Variants in PAPPA observed in about 807,000 individuals in gnomAD.
The protein encoded by PAPPA is pappalysin 1.
In PAPPA, 60 loss-of-function variants were observed where a neutral mutation model predicts 164.0. The ratio of observed to expected loss-of-function variants is 0.37; its 90% CI spans 0.30 to 0.45. PAPPA has a LOEUF of 0.45. PAPPA is among the 20% of genes least tolerant of loss of function. PAPPA has a pLI of 1.00. For missense variants in PAPPA, 1,782 were observed against 2,087.3 expected, an observed-to-expected ratio of 0.85 and a Z score of 2.85; for synonymous variants, 875 against 814.1, an observed-to-expected ratio of 1.07 and a Z score of -1.27.
chr9:116,369,149 C>T (rs1307014932), intron 19 of PAPPA, among the ~76,000 whole-genome samples: 1 of 148,074 alleles, frequency 6.8e-6, no homozygotes. Context: ...TCCACTGTTT[C>T]TCTCTCTCTC....
chr9:116,221,441 G>T (rs1844444886), intron 5 of PAPPA, among the ~76,000 whole-genome samples: 1 of 152,138 alleles, frequency 6.6e-6, no homozygotes, highest in Non-Finnish European at 1.5e-5. Flanking sequence ...GATCTATCAA[G>T]TGCTTACTAT....
rs892668267 is a variant in PAPPA at position 116,347,127 on chromosome 9, T to C, written c.3882T>C (p.Tyr1294=). 6.2e-7 allele frequency: 1 copy of C among 1,614,088 alleles called. No homozygotes were observed. The highest frequency in any genetic ancestry group is 8.5e-7 in the Non-Finnish European group (1 of 1,180,028). ...GCATCCCAGATCACCATCAAGTCTA[T>C]GCTGCCTCCTTCTCCTGCCCTGAGG... ...DCSIPDHHQV[Y]AASFSCPEGT... is the part of the protein sequence containing the mutation. The change falls in exon 15 of 22, where the codon TAT becomes TAC. Residue 1294 remains tyrosine (Y), a synonymous_variant. Transcript: ENST00000328252. The surrounding 1 kb of genome is among the most constrained non-coding windows in gnomAD (Gnocchi z 4.5).
At chr9:116,384,816 G>C (rs1846784753) in intron 21 of PAPPA, among the ~76,000 whole-genome samples, 1 of 152,162 alleles carries the variant, frequency 6.6e-6, no homozygotes, top group Non-Finnish European at 1.5e-5. Flanking sequence ...GAACGTGAAT[G>C]GACGATGAAG....
At chr9:116,386,532 G>C (rs1379202336) in intron 21 of PAPPA, among the ~76,000 whole-genome samples, 2 of 152,152 alleles carry the variant, frequency 1.3e-5, no homozygotes, top group Non-Finnish European at 2.9e-5. Flanking sequence ...ACCAGTCTGG[G>C]CTTAGAGTAC....
intron 1 of PAPPA, among the ~76,000 whole-genome samples, chr9:116,159,993 C>G (rs1587933428): frequency 1.3e-5 from 2 of 152,190 alleles, no homozygotes; most frequent in African/African-American, 4.8e-5. Flanking sequence ...GAATAACCAG[C>G]TTTTAAAACA....
intron 1 of PAPPA, among the ~76,000 whole-genome samples, chr9:116,157,110 A>G (rs973383643): frequency 6.6e-6 from 1 of 152,168 alleles, no homozygotes; most frequent in Non-Finnish European, 1.5e-5. Flanking sequence ...GCTGCCTTAC[A>G]TCACTCTTTG....
intron 1 of PAPPA, among the ~76,000 whole-genome samples, chr9:116,170,123 G>A (rs1843759537): frequency 2.0e-5 from 3 of 152,128 alleles, no homozygotes; most frequent in South Asian, 4.2e-4. Flanking sequence ...GTTCTTCTTA[G>A]TTGCTTAAAG....
At chr9:116,163,442 T>C (rs772536140) in intron 1 of PAPPA, among the ~76,000 whole-genome samples, 15 of 152,172 alleles carry the variant, frequency 9.9e-5, no homozygotes, top group Non-Finnish European at 2.1e-4. Context: ...TGCTTTGAGC[T>C]AGGAGATGTC....
intron 7 of PAPPA, 132 bp downstream of exon 7, chr9:116,235,769 A>G (rs1296227293): frequency 9.2e-6 from 8 of 864,972 alleles, no homozygotes; most frequent in Non-Finnish European, 1.5e-5. Context: ...GTAACCCATC[A>G]TTGGGTGTAG....
chr9:116,181,354 T>TTCTC (rs1364137564), intron 1 of PAPPA, among the ~76,000 whole-genome samples: 1 of 148,546 alleles, frequency 6.7e-6, no homozygotes, highest in Non-Finnish European at 1.5e-5. Flanking sequence ...CTCTCTCTCT[T>TTCTC]TCTCTCTCTC....
At chr9:116,200,621 A>G (rs549904148) in intron 2 of PAPPA, among the ~76,000 whole-genome samples, 10 of 152,332 alleles carry the variant, frequency 6.6e-5, no homozygotes, top group African/African-American at 2.2e-4. Flanking sequence ...TAATGTTATC[A>G]TATTATGTTG....
At position 116,399,251 on chromosome 9, in the gene PAPPA, C is replaced by T. The variant is rs987868612; in HGVS notation, c.*2635C>T. 2.0e-5 allele frequency: 3 copies of T among 152,918 alleles called. No homozygotes were observed. The highest frequency in any genetic ancestry group is 1.3e-4 in the Admixed American group (2 of 15,280). The allele number at this position is 152,918 out of a possible 1,614,324, so 9.5% of individuals were successfully genotyped here. A position where few individuals can be genotyped will look rare whatever the true frequency, so the allele number is the denominator to read the frequency against. On this transcript the variant is annotated 3_prime_UTR_variant, in exon 22 of 22. Transcript: ENST00000328252. ...GAATTCAGCTCTTCTGAATCAAGAC[C>T]CACCCAGTCTCTTTCATTCAGACCT...
At chr9:116,203,910 G>A (rs180856994) in intron 2 of PAPPA, among the ~76,000 whole-genome samples, 1 of 152,312 alleles carries the variant, frequency 6.6e-6, no homozygotes, top group East Asian at 1.9e-4. Context: ...GGGAAAACTA[G>A]AGGTTCTCAG....
At chr9:116,299,671 T>G (rs139220521) in intron 9 of PAPPA, among the ~76,000 whole-genome samples, 1 of 152,152 alleles carries the variant, frequency 6.6e-6, no homozygotes, top group African/African-American at 2.4e-5. Context: ...AGCTGTGGCA[T>G]GTAGGGAGAA....
Position 116,362,661 on chromosome 9 carries a change from G to C in PAPPA, c.4417G>C (p.Glu1473Gln). The change falls in exon 18 of 22, where the codon GAG (glutamate) becomes CAG (glutamine). Residue 1473 changes from glutamate (E) to glutamine (Q), a missense_variant. By Grantham distance (29) the Glu-to-Gln change is conservative. Around this residue, in one of 2 missense-constraint regions of PAPPA, gnomAD observed 1,324 missense variants for 1,656.9 expected, o/e 0.80. Coordinates refer to ENST00000328252, the MANE Select transcript of PAPPA (RefSeq NM_002581.5). Reference sequence around the variant, plus strand: ...GAACGGCTCCTTCCATGTCTGCCAGGAGATGCAAGGCCAGTGCTCGGTTCC... The same window carrying C: ...GAACGGCTCCTTCCATGTCTGCCAGCAGATGCAAGGCCAGTGCTCGGTTCC... ...TWNGSFHVCQ[E>Q]MQGQCSVPNE... 1 of 1,614,160 alleles carries C rather than the reference G, an allele frequency of 6.2e-7. No individual in the cohort carries two copies. The highest frequency in any genetic ancestry group is 8.5e-7 in the Non-Finnish European group (1 of 1,180,000).
intron 2 of PAPPA, among the ~76,000 whole-genome samples, chr9:116,196,195 G>T (rs188479175): frequency 1.7e-3 from 253 of 152,298 alleles, no homozygotes; most frequent in Non-Finnish European, 2.7e-3. Flanking sequence ...TCCTTTGCGG[G>T]GAGAAGTCAG....
At chr9:116,206,265 C>A (rs405485) in intron 2 of PAPPA, among the ~76,000 whole-genome samples, 1 of 151,984 alleles carries the variant, frequency 6.6e-6, no homozygotes, top group Non-Finnish European at 1.5e-5. Flanking sequence ...TTTGTGAAAA[C>A]ATGTACAAAT....
intron 7 of PAPPA, among the ~76,000 whole-genome samples, chr9:116,251,723 G>A (rs1010803671): frequency 1.8e-4 from 28 of 152,364 alleles, no homozygotes; most frequent in Middle Eastern, 6.8e-3. Context: ...TCCATCACCA[G>A]TAGAATGTTT....
chr9:116,297,907 A>G (rs1182083953), intron 9 of PAPPA, among the ~76,000 whole-genome samples: 1 of 152,200 alleles, frequency 6.6e-6, no homozygotes, highest in African/African-American at 2.4e-5. Flanking sequence ...TTGTTGAGAA[A>G]GTCTAAAATG....
Sources: gnomAD v4.1 joint callset for allele counts (sites outside exome capture counted in the v4.1 genomes callset) on GRCh38, gnomAD v4.1.1 for gene constraint, gnomAD v4.1.1 regional missense constraint, Gnocchi (gnomAD v3.1) non-coding constraint, MANE v1.5 for transcripts, NCBI Gene and HGNC (gene_info 2026-07-23, HGNC 2026-07-21) for gene names.